The following SHANK1 variants were observed in gnomAD, a reference collection of about 807,000 sequenced individuals.
SHANK1 encodes the protein SH3 and multiple ankyrin repeat domains protein 1.
A neutral mutation model predicts 165.6 loss-of-function variants in SHANK1; 35 were observed. The ratio of observed to expected loss-of-function variants is 0.21; its 90% CI spans 0.16 to 0.28. The LOEUF (loss-of-function observed/expected upper bound fraction) is 0.28, where lower values mean the gene tolerates loss of function less well. Among genes scored for constraint, SHANK1 ranks in the 10% least tolerant of loss-of-function variants. The probability of loss-of-function intolerance (pLI) is 1.00; values close to 1 mark genes in which losing one functional copy is unlikely to be tolerated. For synonymous variants in SHANK1, 1,428 were observed against 1,384.8 expected (o/e 1.03, Z -0.69); for missense variants, 2,681 against 3,036.4 (o/e 0.88, Z 2.75).
At chr19:50,674,528 C>G (rs1985913274) in intron 21 of SHANK1, among the ~76,000 whole-genome samples, 1 of 152,176 alleles carries the variant, frequency 6.6e-6, no homozygotes, top group Admixed American at 6.5e-5. Flanking sequence ...CATCCTTTCC[C>G]TGGGCTCTGG....
chr19:50,685,291 C>T (rs948784466), intron 21 of SHANK1, among the ~76,000 whole-genome samples: 4 of 152,216 alleles, frequency 2.6e-5, no homozygotes, highest in African/African-American at 9.6e-5. Flanking sequence ...AGGGCTGTGG[C>T]AGGACCATGG....
chr19:50,660,728 G>GT lies in SHANK1; in HGVS notation c.*1236_*1237insA, dbSNP rs113989873. Among the ~76,000 whole-genome samples, 1,449 of 142,558 alleles carry GT rather than the reference G, an allele frequency of 0.01. 162 individuals are homozygous for GT. Among genetic ancestry groups the GT allele is most frequent in the African/African-American group, 0.036 (1,359 of 38,256 alleles). 93.5% of individuals were successfully genotyped at this position (142,558 alleles called of 152,430 possible). On this transcript the variant is annotated 3_prime_UTR_variant, in exon 24 of 24. Transcript: ENST00000293441. Reference sequence around the variant, plus strand: ...CGGAGAGCACTGAAAATGCTGGGGGGGGGGGCGCGTGTGCAAAAGCAAGTG... The same window carrying GT: ...CGGAGAGCACTGAAAATGCTGGGGGGTGGGGGCGCGTGTGCAAAAGCAAGTG...
chr19:50,714,875 G>T (rs954643973), intron 4 of SHANK1, among the ~76,000 whole-genome samples: 34 of 152,102 alleles, frequency 2.2e-4, no homozygotes, highest in African/African-American at 7.7e-4. Flanking sequence ...TTGAAACCCA[G>T]TGTGTATTTC....
chr19:50,691,245 C>T (rs1471308688), intron 15 of SHANK1, among the ~76,000 whole-genome samples: 1 of 152,098 alleles, frequency 6.6e-6, no homozygotes, highest in African/African-American at 2.4e-5. Context: ...GGAAACTGGA[C>T]ACAGAAATTG....
chr19:50,675,156 G>A (rs1205388196), intron 21 of SHANK1, among the ~76,000 whole-genome samples: 1 of 151,662 alleles, frequency 6.6e-6, no homozygotes, highest in Admixed American at 6.6e-5. Flanking sequence ...GATCACCTGA[G>A]TGCAAGAGTT....
chr19:50,667,112 G>A lies in SHANK1; in HGVS notation c.4848C>T (p.Thr1616=). 1 of 1,558,258 alleles carries A rather than the reference G, an allele frequency of 6.4e-7. No individual in the cohort carries two copies. Among genetic ancestry groups the A allele is most frequent in the Non-Finnish European group, 8.6e-7 (1 of 1,158,816 alleles). The change falls in exon 23 of 24, where the codon ACC becomes ACT. Residue 1616 remains threonine, a synonymous_variant. Coordinates refer to ENST00000293441, the MANE Select transcript of SHANK1 (RefSeq NM_016148.5). This position sits in a 1 kb window ranked among gnomAD's most constrained non-coding sequence, Gnocchi z 5.7. ...PPPAVAAAPP[T]LDSTASSLTS... ...TCAGGCTGGATGCGGTGGAGTCCAG[G>A]GTGGGAGGGGCTGCGGCCACAGCCG...
rs761682263 is a variant in SHANK1, at chr19:50,686,705, G to A, written c.2458+39C>T. On this transcript the variant is annotated intron_variant, in intron 20 of 23. Coordinates refer to ENST00000293441, the MANE Select transcript of SHANK1 (RefSeq NM_016148.5). This position sits in a 1 kb window ranked among gnomAD's most constrained non-coding sequence, Gnocchi z 5.7. ...AGGGATGCAGCGGGTGCCGGGGCTG[G>A]GGCCCGGCATCCCGAGGAGCAGGGC... 5 of 1,583,444 alleles carry A rather than the reference G, an allele frequency of 3.2e-6. No individual in the cohort carries two copies. Among genetic ancestry groups the A allele is most frequent in the South Asian group, 2.2e-5 (2 of 90,286 alleles).
intron 23 of SHANK1, among the ~76,000 whole-genome samples, chr19:50,665,726 G>A (rs1985463582): frequency 1.3e-5 from 1 of 79,648 alleles, no homozygotes; most frequent in Non-Finnish European, 2.4e-5. Context: ...GACAGAGTGA[G>A]ACCCTGTTTC....
chr19:50,683,274 A>C (rs762056522), intron 21 of SHANK1, among the ~76,000 whole-genome samples: 1 of 152,196 alleles, frequency 6.6e-6, no homozygotes, highest in Non-Finnish European at 1.5e-5. Context: ...CCTACAATGC[A>C]CAGGACAGGC....
intron 21 of SHANK1, among the ~76,000 whole-genome samples, chr19:50,684,225 GA>G (rs1986261893): frequency 1.4e-5 from 2 of 139,362 alleles, no homozygotes; most frequent in African/African-American, 5.5e-5. Flanking sequence ...ATATAAGGAA[GA>G]AGGTTTTTTT....
Position 50,669,058 on chromosome 19 carries a change from C to A in SHANK1, c.2902G>T (p.Ala968Ser). ...GGAGGGGAGGGCCCGTCAAAGGATG[C>A]AGGGGAGGAGGCGGGGAGGGGGCCA... The part of the protein sequence containing the change: ...SGGPLPASSP[A>S]SFDGPSPPDT... The change falls in exon 23 of 24, where the codon GCA becomes TCA. Residue 968 changes from alanine (A) to serine (S), a missense_variant. Physicochemically the swap from Ala to Ser is moderately conservative, Grantham distance 99. This residue lies in a region of SHANK1 where 1,713 missense variants were observed against 1,630.2 expected (regional missense o/e 1.05). Coordinates refer to ENST00000293441, the MANE Select transcript of SHANK1 (RefSeq NM_016148.5). 3.8e-6 allele frequency: 4 copies of A among 1,039,916 alleles called. No homozygotes were observed. The highest frequency in any genetic ancestry group is 2.7e-6 in the Non-Finnish European group (2 of 734,584). The allele number at this position is 1,039,916 out of a possible 1,614,324, so 64.4% of individuals were successfully genotyped here.
chr19:50,672,949 C>G (rs945578364), intron 21 of SHANK1, among the ~76,000 whole-genome samples: 6 of 152,164 alleles, frequency 3.9e-5, no homozygotes, highest in African/African-American at 1.4e-4. Flanking sequence ...GCTGGTGCCC[C>G]TGCAGCTGCC....
At position 50,713,236 on chromosome 19, in the gene SHANK1, A is replaced by C. The variant is rs1401128456; in HGVS notation, c.792+562T>G. ...GGGGGCAGGGGGAGAAGAGTATTTTAAAATTAGACTGTGCAGCTGCCGCTG... is the reference window on the plus strand; with the variant it reads ...GGGGGCAGGGGGAGAAGAGTATTTTCAAATTAGACTGTGCAGCTGCCGCTG... On this transcript the variant is annotated intron_variant, in intron 6 of 23. Coordinates refer to ENST00000293441, the MANE Select transcript of SHANK1 (RefSeq NM_016148.5). The surrounding 1 kb of genome is among the most constrained non-coding windows in gnomAD (Gnocchi z 6.2). Among the ~76,000 whole-genome samples the C allele has an allele frequency of 3.3e-5, 5 of 152,182 alleles. No homozygotes were observed. Among genetic ancestry groups the C allele is most frequent in the Non-Finnish European group, 5.9e-5 (4 of 68,036 alleles).
At position 50,659,271 on chromosome 19, in the gene SHANK1, TG is replaced by T; in HGVS notation, c.*2693del. The T allele has an allele frequency of 1.4e-6, 1 of 705,372 alleles. No homozygotes were observed. The highest frequency in any genetic ancestry group is 2.0e-6 in the Non-Finnish European group (1 of 502,574). 43.7% of individuals were successfully genotyped at this position (705,372 alleles called of 1,614,324 possible). A position where few individuals can be genotyped will look rare whatever the true frequency, so the allele number is the denominator to read the frequency against. On this transcript the variant is annotated 3_prime_UTR_variant, in exon 24 of 24. Coordinates refer to ENST00000293441, the MANE Select transcript of SHANK1 (RefSeq NM_016148.5). ...GGGGCCGGCTCGAGGGGGTGGATAC[TG>T]TGAGTTTAATTATAAAGAATGACCT...
chr19:50,688,107 T>C lies in SHANK1; in HGVS notation c.2173-49A>G. The C allele has an allele frequency of 1.2e-6, 2 of 1,607,804 alleles. No homozygotes were observed. Among genetic ancestry groups the C allele is most frequent in the Non-Finnish European group, 1.7e-6 (2 of 1,177,472 alleles). On this transcript the variant is annotated intron_variant, in intron 17 of 23. Coordinates refer to ENST00000293441, the MANE Select transcript of SHANK1 (RefSeq NM_016148.5). This position sits in a 1 kb window ranked among gnomAD's most constrained non-coding sequence, Gnocchi z 6.7. ...CACACAGAGTAGACGAGGGGAGGGG[T>C]GCTTGCAGCTTCAGAGACCCCAAGG... is the stretch of plus-strand genomic sequence containing the variant.
chr19:50,710,088 AC>A (rs1406325555), intron 8 of SHANK1, among the ~76,000 whole-genome samples: 2 of 152,002 alleles, frequency 1.3e-5, no homozygotes, highest in Non-Finnish European at 2.9e-5. Flanking sequence ...TTTGCTCCCC[AC>A]CCCCATCTGC....
At chr19:50,711,280 A>G in intron 8 of SHANK1, 91 bp downstream of exon 8, 4 of 752,876 alleles carry the variant, frequency 5.3e-6, no homozygotes, top group South Asian at 3.1e-5. Context: ...GAGGGTGCAG[A>G]GATGCAGTCA....
In SHANK1 at chr19:50,667,426, A is replaced by C; in HGVS notation, c.4534T>G (p.Ser1512Ala). 6.6e-7 allele frequency: 1 copy of C among 1,521,002 alleles called. No homozygotes were observed. Among genetic ancestry groups the C allele is most frequent in the Non-Finnish European group, 8.8e-7 (1 of 1,141,690 alleles). 94.2% of individuals were successfully genotyped at this position (1,521,002 alleles called of 1,614,324 possible). A position where few individuals can be genotyped will look rare whatever the true frequency, so the allele number is the denominator to read the frequency against. The change falls in exon 23 of 24, where the codon TCG becomes GCG. Residue 1512 changes from serine to alanine, a missense_variant. Physicochemically the swap from Ser to Ala is moderately conservative, Grantham distance 99 (BLOSUM62 1). Transcript: ENST00000293441. The surrounding 1 kb of genome is among the most constrained non-coding windows in gnomAD (Gnocchi z 5.7). ...APVTSGRGPP[S>A]EDGPGVPPPS... ...GGCGGGACCCCCGGCCCGTCCTCCGAGGGGGGACCCCTTCCGCTCGTCACA... is the reference window on the plus strand; with the variant it reads ...GGCGGGACCCCCGGCCCGTCCTCCGCGGGGGGACCCCTTCCGCTCGTCACA...
chr19:50,669,507 G>A (rs1303813685), intron 22 of SHANK1, among the ~76,000 whole-genome samples: 1 of 152,162 alleles, frequency 6.6e-6, no homozygotes, highest in African/African-American at 2.4e-5. Context: ...CCGCAAGGAA[G>A]GTGAGGAAAC....
Sources: allele counts gnomAD v4.1 joint callset (sites outside exome capture counted in the v4.1 genomes callset), GRCh38; gene constraint gnomAD v4.1.1; regional missense constraint gnomAD v4.1.1; non-coding constraint Gnocchi (gnomAD v3.1); transcripts MANE v1.5; gene names NCBI Gene and HGNC (gene_info 2026-07-23, HGNC 2026-07-21).